Variants in SAMD3 observed in about 807,000 individuals in gnomAD.
The protein encoded by SAMD3 is sterile alpha motif domain containing 3, also known as sterile alpha motif domain-containing protein 3.
A neutral mutation model predicts 58.5 loss-of-function variants in SAMD3; 63 were observed. The observed-to-expected ratio is 1.08, with a 90% CI of 0.88 to 1.33. SAMD3 has a LOEUF of 1.33. Among genes scored for constraint, SAMD3 ranks in the 40% most tolerant of loss-of-function variants. The pLI is 0.00. For synonymous variants in SAMD3, 220 were observed against 210.3 expected (o/e 1.05, Z -0.40); for missense variants, 604 against 608.4 (o/e 0.99, Z 0.08).
chr6:130,298,523 C>A (rs1023339092), intron 2 of SAMD3, among the ~76,000 whole-genome samples: 1 of 152,088 alleles, frequency 6.6e-6, no homozygotes, highest in African/African-American at 2.4e-5. Context: ...CCTCACATAT[C>A]GATATTAACC....
rs779120336 is a variant in SAMD3, at chr6:130,214,479, C to G, written c.127G>C (p.Val43Leu). 3 of 1,611,590 alleles carry G rather than the reference C, an allele frequency of 1.9e-6. No individual in the cohort carries two copies. Among genetic ancestry groups the G allele is most frequent in the South Asian group, 1.1e-5 (1 of 90,600 alleles). Reference protein sequence around the residue: ...AALLALNDRMVQQLVKKIGHQ... With the variant: ...AALLALNDRMLQQLVKKIGHQ... ...CCAATTTTCTTTACCAGTTGCTGAA[C>G]CATCCGATCATTAAGTGCAAGAAGA... Residue 43 changes from valine to leucine, a missense_variant, in exon 4 of 12, where the codon GTT (valine) becomes CTT (leucine). Transcript: ENST00000439090.
intron 1 of SAMD3, among the ~76,000 whole-genome samples, chr6:130,346,933 G>A (rs1040470719): frequency 2.6e-5 from 4 of 152,232 alleles, no homozygotes; most frequent in Non-Finnish European, 5.9e-5. Context: ...AATATCCGCT[G>A]TTCTGCAGCC....
chr6:130,164,414 G>A (rs149174322), intron 8 of SAMD3, among the ~76,000 whole-genome samples: 394 of 152,242 alleles, frequency 2.6e-3, no homozygotes, highest in African/African-American at 9.0e-3. Context: ...ATTTCCCCAC[G>A]CTAAAGATAG....
At chr6:130,273,843 A>G (rs888055130) in intron 2 of SAMD3, among the ~76,000 whole-genome samples, 3 of 152,102 alleles carry the variant, frequency 2.0e-5, no homozygotes, top group African/African-American at 7.2e-5. Flanking sequence ...GTATCTGTTT[A>G]TACTGTAACT....
chr6:130,208,131 C>T (rs534099775), intron 5 of SAMD3, among the ~76,000 whole-genome samples: 54 of 152,352 alleles, frequency 3.5e-4, no homozygotes, highest in African/African-American at 1.2e-3. Context: ...GCCCACCTTG[C>T]AGTACTGCTC....
At chr6:130,161,375 GAAGTTATATAATTGCTGAT>G (rs1441712044) in intron 8 of SAMD3, 3 of 152,152 alleles carry the variant, frequency 2.0e-5, no homozygotes, top group African/African-American at 7.2e-5. Flanking sequence ...AAATATAGTA[GAAGTTATATAATTGCTGAT>G]ATTGACATTT....
chr6:130,182,483 C>A lies in SAMD3; in HGVS notation c.654+1620G>T, dbSNP rs188602430. Among the ~76,000 whole-genome samples the A allele has an allele frequency of 4.3e-3, 653 of 150,974 alleles. 1 individual carries two copies. The highest frequency in any genetic ancestry group is 6.7e-3 in the Non-Finnish European group (457 of 67,830). ...CCCACTGAGAAAATTCTGTGATTCT[C>A]TCCATATATAATGAACCTTTTCTTG... On this transcript the variant is annotated intron_variant, in intron 7 of 11. Transcript: ENST00000439090.
chr6:130,244,235 C>T (rs1011170498), intron 2 of SAMD3, among the ~76,000 whole-genome samples: 18 of 152,120 alleles, frequency 1.2e-4, no homozygotes, highest in African/African-American at 4.3e-4. Context: ...CAATTTGTAG[C>T]CCCACTAACC....
intron 1 of SAMD3, among the ~76,000 whole-genome samples, chr6:130,321,011 C>A (rs1199464839): frequency 1.3e-5 from 2 of 152,220 alleles, no homozygotes; most frequent in African/African-American, 4.8e-5. Flanking sequence ...TCATTCTAGC[C>A]TCTCATCCAA....
intron 2 of SAMD3, among the ~76,000 whole-genome samples, chr6:130,279,487 C>CT (rs397886882): frequency 0.13 from 15,513 of 123,270 alleles, 2,577 homozygotes; most frequent in African/African-American, 0.39. Flanking sequence ...TCAATTAAAC[C>CT]TTTTTTTTTT....
intron 2 of SAMD3, among the ~76,000 whole-genome samples, chr6:130,300,100 C>T (rs1434477808): frequency 1.3e-5 from 2 of 152,142 alleles, no homozygotes; most frequent in African/African-American, 4.8e-5. Context: ...TCTTCTCTAA[C>T]TCATTCTGTA....
chr6:130,296,876 G>A (rs1054943674), intron 2 of SAMD3, among the ~76,000 whole-genome samples: 5 of 152,144 alleles, frequency 3.3e-5, no homozygotes, highest in African/African-American at 9.7e-5. Context: ...ACAGGGGTGT[G>A]ATAGGGAAGT....
chr6:130,164,667 C>A (rs568469446), intron 8 of SAMD3, among the ~76,000 whole-genome samples: 3 of 152,126 alleles, frequency 2.0e-5, no homozygotes, highest in Admixed American at 1.3e-4. Flanking sequence ...GACATGCCCA[C>A]CTTGGGTCCT....
chr6:130,230,299 G>A (rs774901317), intron 2 of SAMD3, among the ~76,000 whole-genome samples: 64 of 152,182 alleles, frequency 4.2e-4, no homozygotes, highest in Non-Finnish European at 1.2e-4. Flanking sequence ...TGGGCAGGGG[G>A]ACTTTTTTGT....
chr6:130,224,984 C>T (rs1459881206), upstream of SAMD3, among the ~76,000 whole-genome samples: 1 of 151,926 alleles, frequency 6.6e-6, no homozygotes, highest in Non-Finnish European at 1.5e-5. Flanking sequence ...TATAGTCCAT[C>T]ATTAAATATG....
At chr6:130,352,129 G>C (rs1328716582) in intron 1 of SAMD3, among the ~76,000 whole-genome samples, 1 of 151,646 alleles carries the variant, frequency 6.6e-6, no homozygotes, top group Non-Finnish European at 1.5e-5. Flanking sequence ...CGAGTTAATG[G>C]GTGCAGCACA....
intron 2 of SAMD3, among the ~76,000 whole-genome samples, chr6:130,309,882 C>A (rs1776082946): frequency 1.3e-5 from 2 of 152,136 alleles, no homozygotes; most frequent in African/African-American, 4.8e-5. Flanking sequence ...CCAGTTTTCT[C>A]CTTCCAGCTC....
At chr6:130,308,390 A>ATTCTATTCTATTCTATTCTATTCTATTCT (rs1776004518) in intron 2 of SAMD3, among the ~76,000 whole-genome samples, 17 of 144,414 alleles carry the variant, frequency 1.2e-4, no homozygotes, top group Admixed American at 6.3e-4. Flanking sequence ...ATTCTATTCT[A>ATTCTATTCTATTCTATTCTATTCTATTCT]TTCTATTCTA....
At chr6:130,143,594 CA>C (rs1457147583), downstream of SAMD3, among the ~76,000 whole-genome samples, 14 of 152,260 alleles carry the variant, frequency 9.2e-5, no homozygotes, top group Admixed American at 8.5e-4. Flanking sequence ...ACATGTAACC[CA>C]GGAAATGTTC....
Sources: gnomAD v4.1 joint callset for allele counts (sites outside exome capture counted in the v4.1 genomes callset) on GRCh38, gnomAD v4.1.1 for gene constraint, MANE v1.5 for transcripts, NCBI Gene and HGNC (gene_info 2026-07-23, HGNC 2026-07-21) for gene names.